The following ATF2 variants were observed in gnomAD, a reference collection of about 807,000 sequenced individuals.
ATF2 encodes the protein activating transcription factor 2, also known as cyclic AMP-dependent transcription factor ATF-2.
A neutral mutation model predicts 60.6 loss-of-function variants in ATF2; 24 were observed. The ratio of observed to expected loss-of-function variants is 0.40; its 90% CI spans 0.29 to 0.56. The LOEUF is 0.56. Among genes scored for constraint, ATF2 ranks in the 20% least tolerant of loss-of-function variants. The pLI is 0.54. For missense variants in ATF2, 433 were observed against 607.7 expected (o/e 0.71, Z 3.02); for synonymous variants, 206 against 215.4 (o/e 0.96, Z 0.38).
At chr2:175,102,335 A>C (rs1326463232) in intron 10 of ATF2, among the ~76,000 whole-genome samples, 1 of 152,208 alleles carries the variant, frequency 6.6e-6, no homozygotes, top group African/African-American at 2.4e-5. Flanking sequence ...AAATTTTCTA[A>C]ATCTATTAGT....
chr2:175,092,634 C>T (rs1412049817), intron 12 of ATF2: 1 of 439,548 alleles, frequency 2.3e-6, no homozygotes, highest in African/African-American at 2.1e-5. Context: ...TAAAACAAAA[C>T]AGAACAAAAT....
chr2:175,167,520 T>C, intron 1 of ATF2: 1 of 429,770 alleles, frequency 2.3e-6, no homozygotes, highest in Admixed American at 2.5e-5. Flanking sequence ...GATTCTATTT[T>C]CAGCCGCGCC....
intron 10 of ATF2, 65 bp from the exon 11 acceptor site, chr2:175,097,658 GACAA>G: frequency 6.4e-7 from 1 of 1,554,846 alleles, no homozygotes; most frequent in Non-Finnish European, 8.8e-7. Flanking sequence ...ATATCAACAA[GACAA>G]ACAATAGCAC....
rs1696378489 is a variant in ATF2 at position 175,113,982 on chromosome 2, T to C, written c.741+12A>G. ...TTTTGCGATAGAGATTTAAATAGTC[T>C]AACTTTCTTACTGGGACTGCAGCTG... On this transcript the variant is annotated intron_variant, in intron 9 of 13. Transcript: ENST00000264110. 2.5e-6 allele frequency: 4 copies of C among 1,591,224 alleles called. No homozygotes were observed. The highest frequency in any genetic ancestry group is 3.3e-4 in the Middle Eastern group (2 of 6,000).
At chr2:175,156,735 GCT>G (rs2105346657) in intron 1 of ATF2, among the ~76,000 whole-genome samples, 1 of 152,324 alleles carries the variant, frequency 6.6e-6, no homozygotes, top group African/African-American at 2.4e-5. Context: ...AAGGAATGCA[GCT>G]CTGCCAACGC....
chr2:175,142,324 A>G (rs1574470210), intron 2 of ATF2, among the ~76,000 whole-genome samples: 1 of 149,110 alleles, frequency 6.7e-6, no homozygotes, highest in Middle Eastern at 3.4e-3. Context: ...ACGCACCACC[A>G]CTCCCGGCTA....
chr2:175,149,563 A>T lies in ATF2; in HGVS notation c.-44+1497T>A, dbSNP rs117457722. Among the ~76,000 whole-genome samples the T allele has an allele frequency of 2.9e-4, 44 of 152,332 alleles. 1 individual carries two copies. The East Asian group carries it at 7.1e-3, about 25-fold the overall frequency. ...AGAGGTAAATCTAAACAACAACAAC[A>T]ACAAAACAAAGAAAACTGGCACAAG... On this transcript the variant is annotated intron_variant, in intron 2 of 13. Coordinates refer to ENST00000264110, the MANE Select transcript of ATF2 (RefSeq NM_001880.4).
intron 3 of ATF2, among the ~76,000 whole-genome samples, chr2:175,131,543 C>A (rs912144902): frequency 6.6e-6 from 1 of 152,226 alleles, no homozygotes; most frequent in Non-Finnish European, 1.5e-5. Flanking sequence ...CCTACACAAT[C>A]TGTGAGCATT....
At chr2:175,079,974 G>A (rs751999194) in intron 13 of ATF2, among the ~76,000 whole-genome samples, 1 of 152,022 alleles carries the variant, frequency 6.6e-6, no homozygotes, top group Admixed American at 6.6e-5. Flanking sequence ...GTAACAGCTG[G>A]TTCCAACACT....
At chr2:175,154,253 T>TATA (rs1559122012) in intron 1 of ATF2, among the ~76,000 whole-genome samples, 8 of 147,702 alleles carry the variant, frequency 5.4e-5, no homozygotes, top group African/African-American at 2.0e-4. Flanking sequence ...ATATATATAT[T>TATA]TTTTACTTTA....
chr2:175,115,661 G>T (rs1696502585), intron 7 of ATF2, among the ~76,000 whole-genome samples: 1 of 152,144 alleles, frequency 6.6e-6, no homozygotes, highest in South Asian at 2.1e-4. Context: ...ATAGGAAGAA[G>T]GATAAAGTAG....
At chr2:175,086,039 T>C (rs1694147372) in intron 12 of ATF2, among the ~76,000 whole-genome samples, 1 of 152,164 alleles carries the variant, frequency 6.6e-6, no homozygotes, top group Non-Finnish European at 1.5e-5. Flanking sequence ...AAATAACCAA[T>C]TTTTTCCACT....
intron 1 of ATF2, among the ~76,000 whole-genome samples, chr2:175,158,046 G>T (rs1396124272): frequency 6.6e-6 from 1 of 151,670 alleles, no homozygotes; most frequent in Non-Finnish European, 1.5e-5. Context: ...AAGGTGAACT[G>T]AAGCAGGATA....
intron 10 of ATF2, among the ~76,000 whole-genome samples, chr2:175,106,232 G>A (rs1401596196): frequency 6.6e-6 from 1 of 152,142 alleles, no homozygotes; most frequent in African/African-American, 2.4e-5. Context: ...TATATCCAGT[G>A]TAAATAAAGA....
intron 12 of ATF2, among the ~76,000 whole-genome samples, chr2:175,082,057 C>CA (rs1693797345): frequency 6.6e-6 from 1 of 151,622 alleles, no homozygotes; most frequent in East Asian, 1.9e-4. Context: ...GACTCCGTCT[C>CA]AAAAAAAATA....
intron 3 of ATF2, among the ~76,000 whole-genome samples, chr2:175,134,802 G>A (rs1316353180): frequency 6.6e-6 from 1 of 151,560 alleles, no homozygotes; most frequent in Non-Finnish European, 1.5e-5. Context: ...TGGGAAAGAC[G>A]GCGTGACCCC....
intron 2 of ATF2, among the ~76,000 whole-genome samples, chr2:175,142,710 AGAGAGAGAGAGTGT>A (rs1356386052): frequency 3.7e-4 from 48 of 129,560 alleles, no homozygotes; most frequent in African/African-American, 1.1e-3. Flanking sequence ...AGAGAGAGAG[AGAGAGAGAGAGTGT>A]GTGTGTGTGT....
At chr2:175,157,914 C>A (rs1360791618) in intron 1 of ATF2, among the ~76,000 whole-genome samples, 1 of 152,036 alleles carries the variant, frequency 6.6e-6, no homozygotes, top group Non-Finnish European at 1.5e-5. Flanking sequence ...ACTGCTTGAA[C>A]CCGGGAGGCA....
At chr2:175,077,132 A>C (rs1693382820) in intron 13 of ATF2, among the ~76,000 whole-genome samples, 1 of 151,920 alleles carries the variant, frequency 6.6e-6, no homozygotes, top group South Asian at 2.1e-4. Context: ...TGAACTCATC[A>C]TTTTTTATGG....
Sources: gnomAD v4.1 joint callset for allele counts (sites outside exome capture counted in the v4.1 genomes callset) on GRCh38, gnomAD v4.1.1 for gene constraint, MANE v1.5 for transcripts, NCBI Gene and HGNC (gene_info 2026-07-23, HGNC 2026-07-21) for gene names.